The following DNER variants were observed in gnomAD, a reference collection of about 807,000 sequenced individuals.
The protein encoded by DNER is delta/notch like EGF repeat containing.
A neutral mutation model predicts 78.2 loss-of-function variants in DNER; 33 were observed. The observed-to-expected ratio is 0.42, with a 90% CI of 0.32 to 0.56. The LOEUF is 0.56. Among genes scored for constraint, DNER ranks in the 20% least tolerant of loss-of-function variants. DNER has a pLI of 0.11. For synonymous variants in DNER, 417 were observed against 384.8 expected (o/e 1.08, Z -0.98); for missense variants, 918 against 975.3 (o/e 0.94, Z 0.78).
intron 1 of DNER, among the ~76,000 whole-genome samples, chr2:229,671,273 C>T (rs952147439): frequency 1.7e-4 from 26 of 152,242 alleles, no homozygotes; most frequent in Admixed American, 1.2e-3. Flanking sequence ...GTCTACTAGG[C>T]GCCAGCCATA....
At chr2:229,675,322 G>A (rs1469800609) in intron 1 of DNER, among the ~76,000 whole-genome samples, 1 of 152,142 alleles carries the variant, frequency 6.6e-6, no homozygotes, top group Non-Finnish European at 1.5e-5. Context: ...TCCATCTCAT[G>A]CCTCCTTCTC....
chr2:229,480,314 C>T (rs148999766), intron 6 of DNER, among the ~76,000 whole-genome samples: 2,174 of 152,246 alleles, frequency 0.014, 20 homozygotes, highest in Non-Finnish European at 0.02. Context: ...AATTTCATTT[C>T]ACCTGTAAAT....
intron 11 of DNER, among the ~76,000 whole-genome samples, chr2:229,381,806 T>C (rs1365597496): frequency 6.6e-6 from 1 of 152,106 alleles, no homozygotes; most frequent in Non-Finnish European, 1.5e-5. Flanking sequence ...AACTCCCATC[T>C]CCCTGGGACA....
At chr2:229,478,401 T>C (rs1695082119) in intron 6 of DNER, among the ~76,000 whole-genome samples, 1 of 152,194 alleles carries the variant, frequency 6.6e-6, no homozygotes, top group African/African-American at 2.4e-5. Flanking sequence ...ACCTGCCAAA[T>C]AGATTGTAAA....
intron 4 of DNER, among the ~76,000 whole-genome samples, chr2:229,563,932 T>TC (rs1697033365): frequency 3.0e-5 from 1 of 33,738 alleles, no homozygotes; most frequent in Non-Finnish European, 5.9e-5. Context: ...CCATCACCAT[T>TC]ATCATCATCC....
At chr2:229,667,869 A>G (rs1438617970) in intron 1 of DNER, among the ~76,000 whole-genome samples, 1 of 152,222 alleles carries the variant, frequency 6.6e-6, no homozygotes, top group Non-Finnish European at 1.5e-5. Flanking sequence ...TCAGATAGTC[A>G]TGGTATCAAC....
At chr2:229,613,301 G>A (rs965816783) in intron 1 of DNER, among the ~76,000 whole-genome samples, 1 of 152,142 alleles carries the variant, frequency 6.6e-6, no homozygotes, top group African/African-American at 2.4e-5. Context: ...ATGAACCATT[G>A]TAAAAAGCAA....
At chr2:229,475,837 A>T (rs1440709483) in intron 7 of DNER, among the ~76,000 whole-genome samples, 1 of 152,170 alleles carries the variant, frequency 6.6e-6, no homozygotes, top group Admixed American at 6.5e-5. Context: ...ATTTGGTCCC[A>T]GGACGACCCT....
chr2:229,567,734 A>G (rs1299472552), intron 4 of DNER, among the ~76,000 whole-genome samples: 1 of 152,212 alleles, frequency 6.6e-6, no homozygotes, highest in African/African-American at 2.4e-5. Flanking sequence ...ACCAAGAAAT[A>G]ATGAATTACT....
chr2:229,465,076 C>A (rs1694777133), intron 7 of DNER, among the ~76,000 whole-genome samples: 1 of 152,156 alleles, frequency 6.6e-6, no homozygotes, highest in Non-Finnish European at 1.5e-5. Flanking sequence ...AATCCTATTA[C>A]TGGGTGTATA....
chr2:229,429,063 G>A (rs994288084), intron 8 of DNER, among the ~76,000 whole-genome samples: 60 of 152,286 alleles, frequency 3.9e-4, no homozygotes, highest in African/African-American at 1.2e-3. Context: ...GCAGAGTGAT[G>A]TCTCCAACTG....
chr2:229,563,364 CCAT>C (rs1157901813), intron 4 of DNER, among the ~76,000 whole-genome samples: 2 of 141,306 alleles, frequency 1.4e-5, no homozygotes, highest in East Asian at 2.4e-4. Flanking sequence ...TACCCCATCA[CCAT>C]CATCATCATC....
chr2:229,670,582 C>T (rs1301752406), intron 1 of DNER, among the ~76,000 whole-genome samples: 1 of 152,192 alleles, frequency 6.6e-6, no homozygotes, highest in Non-Finnish European at 1.5e-5. Context: ...CCACTCACAT[C>T]TAAATAAACA....
At chr2:229,556,896 G>C (rs1202314355) in intron 4 of DNER, among the ~76,000 whole-genome samples, 4 of 152,218 alleles carry the variant, frequency 2.6e-5, no homozygotes, top group African/African-American at 9.6e-5. Flanking sequence ...CACTCAATAA[G>C]AACAGTGGCT....
intron 4 of DNER, among the ~76,000 whole-genome samples, chr2:229,553,627 C>A (rs58110232): frequency 0.042 from 6,360 of 152,284 alleles, 157 homozygotes; most frequent in Middle Eastern, 0.071. Context: ...GCCATGCCAG[C>A]GCAGGTGGGT....
chr2:229,463,333 G>A (rs1043393258), intron 7 of DNER, among the ~76,000 whole-genome samples: 1 of 150,892 alleles, frequency 6.6e-6, no homozygotes, highest in Non-Finnish European at 1.5e-5. Context: ...ATATGGATGG[G>A]GTTTTAGAAA....
intron 12 of DNER, among the ~76,000 whole-genome samples, chr2:229,361,090 CCA>C (rs1437489191): frequency 6.6e-6 from 1 of 152,148 alleles, no homozygotes; most frequent in East Asian, 1.9e-4. Flanking sequence ...TATAGAAACA[CCA>C]CAGTTTTAAA....
chr2:229,505,176 C>T (rs1359477675), intron 6 of DNER, among the ~76,000 whole-genome samples: 1 of 25,084 alleles, frequency 4.0e-5, no homozygotes, highest in South Asian at 2.3e-3. Flanking sequence ...TGTGTTGCTG[C>T]AGTGTGTGTG....
intron 1 of DNER, among the ~76,000 whole-genome samples, chr2:229,650,899 G>T (rs1223201437): frequency 6.6e-6 from 1 of 152,120 alleles, no homozygotes; most frequent in African/African-American, 2.4e-5. Context: ...GAGTGGATGG[G>T]GCCTGGGATC....
Sources: allele counts gnomAD v4.1 joint callset (sites outside exome capture counted in the v4.1 genomes callset), GRCh38; gene constraint gnomAD v4.1.1; transcripts MANE v1.5; gene names NCBI Gene and HGNC (gene_info 2026-07-23, HGNC 2026-07-21).